The following LONRF1 variants were observed in gnomAD, a reference collection of about 807,000 sequenced individuals.
LONRF1 encodes the protein LON peptidase N-terminal domain and RING finger protein 1.
A neutral mutation model predicts 85.8 loss-of-function variants in LONRF1; 37 were observed. The ratio of observed to expected loss-of-function variants is 0.43; its 90% CI spans 0.33 to 0.57. LONRF1 has a LOEUF of 0.57. Ranked by LOEUF, LONRF1 falls within the 20% of genes least tolerant of loss-of-function variation. The pLI is 0.04. For synonymous variants in LONRF1, 517 were observed against 390.1 expected (o/e 1.33, Z -3.83); for missense variants, 1,036 against 978.0 (o/e 1.06, Z -0.79).
chr8:12,740,223 T>C (rs1388045511), intron 3 of LONRF1, among the ~76,000 whole-genome samples: 1 of 152,176 alleles, frequency 6.6e-6, no homozygotes, highest in Non-Finnish European at 1.5e-5. Context: ...TCTCAAAGAA[T>C]TTTTCGAAGA....
At chr8:12,725,974 C>T (rs1798282142) in intron 10 of LONRF1, 95 bp from the exon 11 acceptor site, 1 of 1,121,396 alleles carries the variant, frequency 8.9e-7, no homozygotes, top group Non-Finnish European at 1.3e-6. Flanking sequence ...ATCAGAAGAA[C>T]AGGGCAATAC....
At chr8:12,737,926 A>G in intron 4 of LONRF1, 69 bp downstream of exon 4, 1 of 1,490,946 alleles carries the variant, frequency 6.7e-7, no homozygotes, top group Non-Finnish European at 9.0e-7. Context: ...TGAAACTAGG[A>G]AAGTGAAGCT....
chr8:12,735,612 C>G (rs536043892), intron 6 of LONRF1: 1 of 521,796 alleles, frequency 1.9e-6, no homozygotes, highest in South Asian at 2.3e-5. Flanking sequence ...TGCCAAAGGC[C>G]TAGAGCCAAG....
At position 12,723,326 on chromosome 8, in the gene LONRF1, A is replaced by C. The variant is rs915539371; in HGVS notation, c.2164-72T>G. On this transcript the variant is annotated intron_variant, in intron 11 of 11. Coordinates refer to ENST00000398246, the MANE Select transcript of LONRF1 (RefSeq NM_152271.5). ...GTAACAACAGTAGCAAACCACCAAA[A>C]AATTACTATTTATTGAGCACTTGTA... 311 of 1,419,142 alleles carry C rather than the reference A, an allele frequency of 2.2e-4. 1 individual carries two copies. Among genetic ancestry groups the C allele is most frequent in the Admixed American group, 3.5e-4 (16 of 45,578 alleles). 87.9% of individuals were successfully genotyped at this position (1,419,142 alleles called of 1,614,324 possible).
chr8:12,741,064 A>G (rs1042382016), intron 2 of LONRF1, 68 bp from the exon 3 acceptor site: 43 of 1,567,796 alleles, frequency 2.7e-5, no homozygotes, highest in Non-Finnish European at 3.6e-5. Context: ...ATTATCAAGT[A>G]AAGAAAAACA....
intron 3 of LONRF1, among the ~76,000 whole-genome samples, chr8:12,740,500 T>C (rs1433806120): frequency 1.3e-5 from 2 of 152,154 alleles, no homozygotes; most frequent in Admixed American, 6.5e-5. Flanking sequence ...AGCAATACTA[T>C]TGGCAATCCT....
At chr8:12,729,412 A>G (rs540889606) in intron 8 of LONRF1, 80 bp from the exon 9 acceptor site, 20 of 1,386,582 alleles carry the variant, frequency 1.4e-5, no homozygotes, top group African/African-American at 1.0e-4. Context: ...AGTGAGGTTT[A>G]TAACAGTAAT....
rs1388923829 is a variant in LONRF1 at position 12,755,064 on chromosome 8, C to G, written c.357G>C (p.Gly119=). The G allele has an allele frequency of 1.1e-5, 16 of 1,474,290 alleles. No individual in the cohort carries two copies. The highest frequency in any genetic ancestry group is 8.9e-7 in the Non-Finnish European group (1 of 1,118,358). 91.3% of individuals were successfully genotyped at this position (1,474,290 alleles called of 1,614,324 possible). A position where few individuals can be genotyped will look rare whatever the true frequency, so the allele number is the denominator to read the frequency against. ...PVAGADGGAG[G]LLRCLGCRGF... ...CCCGGCAGCCCAGGCATCTGAGGAG[C>G]CCGCCGGCGCCGCCGTCAGCGCCTG... Residue 119 remains glycine, a synonymous_variant, in exon 1 of 12, where the codon GGG becomes GGC. Transcript: ENST00000398246.
chr8:12,733,421 T>C (rs2117258197), intron 7 of LONRF1, among the ~76,000 whole-genome samples: 1 of 152,260 alleles, frequency 6.6e-6, no homozygotes, highest in African/African-American at 2.4e-5. Context: ...CTCCCAAAAA[T>C]TTAACCTAAG....
Position 12,735,283 on chromosome 8 carries a change from T to C in LONRF1, c.1566+3A>G. On this transcript the variant is annotated splice_donor_region_variant and intron_variant, in intron 7 of 11. Transcript: ENST00000398246. Reference sequence around the variant, plus strand: ...ACAAACAGACACATATACAAATATTTACCTCTTTTAAGCTTTCTTTGCAAA... The same window carrying C: ...ACAAACAGACACATATACAAATATTCACCTCTTTTAAGCTTTCTTTGCAAA... The C allele has an allele frequency of 6.3e-7, 1 of 1,577,944 alleles. No individual in the cohort carries two copies.
At chr8:12,723,668 C>G (rs146168168) in intron 11 of LONRF1, among the ~76,000 whole-genome samples, 137 of 152,334 alleles carry the variant, frequency 9.0e-4, no homozygotes, top group African/African-American at 3.0e-3. Flanking sequence ...GTAGCACCTT[C>G]CCATCCAGCT....
intron 1 of LONRF1, among the ~76,000 whole-genome samples, chr8:12,745,315 T>A (rs1799102794): frequency 8.8e-6 from 1 of 113,236 alleles, no homozygotes; most frequent in South Asian, 3.4e-4. Flanking sequence ...AATGATTATT[T>A]TTTTGGAAAA....
intron 1 of LONRF1, among the ~76,000 whole-genome samples, chr8:12,744,032 A>G (rs1799046157): frequency 6.6e-6 from 1 of 152,172 alleles, no homozygotes; most frequent in African/African-American, 2.4e-5. Flanking sequence ...TACTACAGGT[A>G]CACAGATTCT....
intron 7 of LONRF1, 30 bp from the exon 8 acceptor site, chr8:12,731,887 C>A: frequency 6.2e-7 from 1 of 1,601,558 alleles, no homozygotes; most frequent in Non-Finnish European, 8.5e-7. Context: ...TACATTCCAG[C>A]AGTGGTTTTC....
intron 10 of LONRF1, among the ~76,000 whole-genome samples, chr8:12,727,787 C>T (rs563567908): frequency 6.6e-6 from 1 of 152,204 alleles, no homozygotes; most frequent in African/African-American, 2.4e-5. Context: ...TCAACTCACA[C>T]AATACTTTCG....
At chr8:12,726,635 A>T (rs1798318081) in intron 10 of LONRF1, among the ~76,000 whole-genome samples, 1 of 152,208 alleles carries the variant, frequency 6.6e-6, no homozygotes, top group African/African-American at 2.4e-5. Flanking sequence ...TCCATCTTAT[A>T]CTGATTTCTT....
chr8:12,736,977 A>G lies in LONRF1; in HGVS notation c.1277T>C (p.Leu426Pro). 5 of 1,613,558 alleles carry G rather than the reference A, an allele frequency of 3.1e-6. No individual in the cohort carries two copies. The highest frequency in any genetic ancestry group is 4.2e-6 in the Non-Finnish European group (5 of 1,179,670). ...TTCTAAAAGAGACAACTTTCTTTTC[A>G]GCAGAACACCTTTTTCTTGAACTGA... ...VLSVQEKGVLLKRKLSLLEQD... is the reference protein window; with the variant it reads ...VLSVQEKGVLPKRKLSLLEQD... Residue 426 changes from leucine to proline, a missense_variant, in exon 5 of 12, where the codon CTG becomes CCG. Physicochemically the swap from Leu to Pro is moderately conservative, Grantham distance 98 (BLOSUM62 -3). Transcript: ENST00000398246.
Position 12,731,720 on chromosome 8 carries a change from A to G in LONRF1, c.1688+16T>C. 6.2e-7 allele frequency: 1 copy of G among 1,601,490 alleles called. No homozygotes were observed. The highest frequency in any genetic ancestry group is 8.5e-7 in the Non-Finnish European group (1 of 1,175,024). ...AGGGTAGTAGTTCATAATTTTTTTTATGAGAAGAAACTTACTGTGAGAGTT... is the reference window on the plus strand; with the variant it reads ...AGGGTAGTAGTTCATAATTTTTTTTGTGAGAAGAAACTTACTGTGAGAGTT... On this transcript the variant is annotated intron_variant, in intron 8 of 11. Coordinates refer to ENST00000398246, the MANE Select transcript of LONRF1 (RefSeq NM_152271.5).
At chr8:12,737,907 G>A in intron 4 of LONRF1, 88 bp downstream of exon 4, 1 of 1,333,760 alleles carries the variant, frequency 7.5e-7, no homozygotes. Context: ...TTAAGTAGGT[G>A]CTAGTACTTG....
Sources: allele counts gnomAD v4.1 joint callset (sites outside exome capture counted in the v4.1 genomes callset), GRCh38; gene constraint gnomAD v4.1.1; transcripts MANE v1.5; gene names NCBI Gene and HGNC (gene_info 2026-07-23, HGNC 2026-07-21).